The following FGFR2 variants were observed in gnomAD, a reference collection of about 807,000 sequenced individuals.
The protein encoded by FGFR2 is fibroblast growth factor receptor 2, also known as BEK fibroblast growth factor receptor.
Under a neutral mutation model 95.9 loss-of-function variants are expected in FGFR2, and 19 were observed. That is an observed-to-expected ratio of 0.20 (90% CI 0.14 to 0.29). The LOEUF is 0.29. FGFR2 is among the 10% of genes least tolerant of loss of function. The pLI is 1.00. For missense variants in FGFR2, 707 were observed against 1,056.9 expected, an observed-to-expected ratio of 0.67 and a Z score of 4.59; for synonymous variants, 392 against 393.3, an observed-to-expected ratio of 1.00 and a Z score of 0.04.
intron 6 of FGFR2, among the ~76,000 whole-genome samples, chr10:121,534,405 T>C (rs1228965020): frequency 6.7e-6 from 1 of 148,740 alleles, no homozygotes; most frequent in Non-Finnish European, 1.5e-5. Context: ...CTTTCTTTTT[T>C]CTTTTTTGAG....
At chr10:121,492,870 G>A (rs1222297678) in intron 13 of FGFR2, among the ~76,000 whole-genome samples, 1 of 152,090 alleles carries the variant, frequency 6.6e-6, no homozygotes, top group Non-Finnish European at 1.5e-5. Flanking sequence ...GGCCACACTG[G>A]GGCACTAAAC....
chr10:121,515,483 C>T (rs1355717755), intron 8 of FGFR2, among the ~76,000 whole-genome samples, 164 bp from the exon 9 acceptor site: 2 of 152,058 alleles, frequency 1.3e-5, no homozygotes. Context: ...AACCAGGGGT[C>T]CATCATTTGA....
At chr10:121,563,189 C>A (rs1857214070) in intron 4 of FGFR2, among the ~76,000 whole-genome samples, 1 of 152,188 alleles carries the variant, frequency 6.6e-6, no homozygotes, top group African/African-American at 2.4e-5. Flanking sequence ...GCCTAGCCAA[C>A]ATGGTGAAAC....
At chr10:121,543,312 C>A (rs2134683422) in intron 5 of FGFR2, among the ~76,000 whole-genome samples, 1 of 152,270 alleles carries the variant, frequency 6.6e-6, no homozygotes, top group East Asian at 1.9e-4. Context: ...GAGTTCGAGG[C>A]CAGCCTGGCC....
intron 2 of FGFR2, among the ~76,000 whole-genome samples, chr10:121,582,484 T>C (rs1436635507): frequency 6.6e-6 from 1 of 152,096 alleles, no homozygotes; most frequent in Admixed American, 6.5e-5. Context: ...AGAGGGAAAT[T>C]TGCAGCATCT....
At chr10:121,547,617 G>A (rs1265580730) in intron 5 of FGFR2, among the ~76,000 whole-genome samples, 1 of 152,016 alleles carries the variant, frequency 6.6e-6, no homozygotes, top group African/African-American at 2.4e-5. Flanking sequence ...AGTTGGTCTT[G>A]TGCTCCTGGC....
intron 4 of FGFR2, among the ~76,000 whole-genome samples, chr10:121,554,191 C>T (rs949178051): frequency 2.0e-5 from 3 of 152,160 alleles, no homozygotes; most frequent in African/African-American, 7.2e-5. Flanking sequence ...CATAAAAAAT[C>T]CAGGCACAAC....
intron 2 of FGFR2, among the ~76,000 whole-genome samples, chr10:121,566,552 C>T (rs1857701307): frequency 6.6e-6 from 1 of 152,136 alleles, no homozygotes; most frequent in South Asian, 2.1e-4. Flanking sequence ...AGTCCTTCCT[C>T]CCTCTCTTCC....
chr10:121,493,197 G>A (rs558849692), intron 13 of FGFR2, among the ~76,000 whole-genome samples: 15 of 152,240 alleles, frequency 9.9e-5, no homozygotes, highest in African/African-American at 3.6e-4. Context: ...GCTCTGCCAC[G>A]GTGCCTGGAA....
In FGFR2 at chr10:121,517,967, C is replaced by G; in HGVS notation, c.940-504G>C. 1 of 411,012 alleles carries G rather than the reference C, an allele frequency of 2.4e-6. No homozygotes were observed. Among genetic ancestry groups the G allele is most frequent in the Non-Finnish European group, 4.7e-6 (1 of 212,898 alleles). 25.5% of individuals were successfully genotyped at this position (411,012 alleles called of 1,614,324 possible). A position where few individuals can be genotyped will look rare whatever the true frequency, so the allele number is the denominator to read the frequency against. ...TGGGGTGGAAGGTTGTCTTGGTTAC[C>G]AGGCTCTGGTTATTTTTACTTCTGC... On this transcript the variant is annotated intron_variant, in intron 7 of 17. Coordinates refer to ENST00000358487, the MANE Select transcript of FGFR2 (RefSeq NM_000141.5). This position sits in a 1 kb window ranked among gnomAD's most constrained non-coding sequence, Gnocchi z 4.7.
intron 2 of FGFR2, among the ~76,000 whole-genome samples, chr10:121,586,790 G>A (rs1334884173): frequency 6.6e-6 from 1 of 152,192 alleles, no homozygotes; most frequent in Non-Finnish European, 1.5e-5. Flanking sequence ...ACAAATCACA[G>A]TGAGGAAAGA....
chr10:121,582,044 G>A (rs1250562157), intron 2 of FGFR2, among the ~76,000 whole-genome samples: 2 of 151,748 alleles, frequency 1.3e-5, no homozygotes, highest in Non-Finnish European at 2.9e-5. Context: ...AGATTCTCCT[G>A]CCTCCGCCCC....
At chr10:121,506,295 T>A (rs1473982795) in intron 9 of FGFR2, among the ~76,000 whole-genome samples, 1 of 142,778 alleles carries the variant, frequency 7.0e-6, no homozygotes, top group East Asian at 2.1e-4. Context: ...GAGGCAGAGG[T>A]TGCAGTGAGC....
chr10:121,502,734 C>T (rs1847758999), intron 10 of FGFR2, among the ~76,000 whole-genome samples: 1 of 152,164 alleles, frequency 6.6e-6, no homozygotes, highest in African/African-American at 2.4e-5. Context: ...GAGCTTATTC[C>T]AGTGTATGTG....
At chr10:121,585,493 C>T (rs1394083068) in intron 2 of FGFR2, among the ~76,000 whole-genome samples, 1 of 152,176 alleles carries the variant, frequency 6.6e-6, no homozygotes, top group Non-Finnish European at 1.5e-5. Context: ...TCAGTAGGGG[C>T]TTTACATTTC....
In FGFR2 at chr10:121,520,027, G is replaced by A. The variant is rs754300987; in HGVS notation, c.891C>T (p.Asn297=). Residue 297 remains asparagine (N), a synonymous_variant, in exon 7 of 18, where the codon AAC becomes AAT. Transcript: ENST00000358487. ...HIQWIKHVEK[N]GSKYGPDGLP... is the part of the protein sequence containing the mutation. ...GCCCGTCGGGCCCGTATTTACTGCCGTTCTTTTCCACGTGCTTGATCCACT... is the reference window on the plus strand; with the variant it reads ...GCCCGTCGGGCCCGTATTTACTGCCATTCTTTTCCACGTGCTTGATCCACT... 22 of 1,614,066 alleles carry A rather than the reference G, an allele frequency of 1.4e-5. No homozygotes were observed. The highest frequency in any genetic ancestry group is 1.6e-4 in the Middle Eastern group (1 of 6,084).
In FGFR2 at chr10:121,531,894, A is replaced by T. The variant is rs1852123369; in HGVS notation, c.748+6698T>A. On this transcript the variant is annotated intron_variant, in intron 6 of 17. Transcript: ENST00000358487. The surrounding 1 kb of genome is among the most constrained non-coding windows in gnomAD (Gnocchi z 4.5). ...CTGGGGACACGAAAGCGGCAAAAGG[A>T]AGGTGCTTCCTCCTCAACTCCGCTC... Among the ~76,000 whole-genome samples the T allele has an allele frequency of 6.6e-6, 1 of 152,174 alleles. No individual in the cohort carries two copies. Among genetic ancestry groups the T allele is most frequent in the Non-Finnish European group, 1.5e-5 (1 of 68,024 alleles).
Position 121,479,168 on chromosome 10 carries a change from G to C in FGFR2, c.*689C>G, listed in dbSNP as rs1844353441. ...AATAGATTAACTAGTCTGCTGTGCTGCCTGCATAGAAATGCCACTTAAATT... is the reference window on the plus strand; with the variant it reads ...AATAGATTAACTAGTCTGCTGTGCTCCCTGCATAGAAATGCCACTTAAATT... On this transcript the variant is annotated 3_prime_UTR_variant, in exon 18 of 18. Transcript: ENST00000358487. 1 of 232,720 alleles carries C rather than the reference G, an allele frequency of 4.3e-6. No individual in the cohort carries two copies. The allele number at this position is 232,720 out of a possible 1,614,324, so 14.4% of individuals were successfully genotyped here. A position where few individuals can be genotyped will look rare whatever the true frequency, so the allele number is the denominator to read the frequency against.
At chr10:121,590,989 GCACACA>G (rs746045068) in intron 2 of FGFR2, among the ~76,000 whole-genome samples, 3 of 148,736 alleles carry the variant, frequency 2.0e-5, no homozygotes, top group Non-Finnish European at 4.5e-5. Flanking sequence ...GCGCACTCGC[GCACACA>G]CACACACACA....
Sources: gnomAD v4.1 joint callset for allele counts (sites outside exome capture counted in the v4.1 genomes callset) on GRCh38, gnomAD v4.1.1 for gene constraint, Gnocchi (gnomAD v3.1) non-coding constraint, MANE v1.5 for transcripts, NCBI Gene and HGNC (gene_info 2026-07-23, HGNC 2026-07-21) for gene names.